CYTH1: variants seen among roughly 807,000 people sequenced by gnomAD.
CYTH1 encodes the protein cytohesin 1.
Under a neutral mutation model 61.8 loss-of-function variants are expected in CYTH1, and 18 were observed. The ratio of observed to expected loss-of-function variants is 0.29; its 90% CI spans 0.20 to 0.43. The LOEUF (loss-of-function observed/expected upper bound fraction) is 0.43. Among genes scored for constraint, CYTH1 ranks in the 20% least tolerant of loss-of-function variants. The pLI is 1.00. For synonymous variants in CYTH1, 174 were observed against 184.3 expected, an observed-to-expected ratio of 0.94 and a Z score of 0.45; for missense variants, 336 against 510.5, an observed-to-expected ratio of 0.66 and a Z score of 3.29.
Position 78,760,492 on chromosome 17 carries a change from T to TAC in CYTH1, c.22+21709_22+21710insGT, listed in dbSNP as rs1398164445. The stretch of plus-strand genomic sequence containing the variant: ...ATATGTATATATATGTATGTATATA[T>TAC]ATATACATATATATGTATATATATG... On this transcript the variant is annotated intron_variant, in intron 1 of 13. Coordinates refer to ENST00000446868, the MANE Select transcript of CYTH1 (RefSeq NM_004762.6). 6.0e-4 allele frequency among the ~76,000 whole-genome samples: 30 copies of TAC among 49,790 alleles called. 1 individual carries two copies. Among genetic ancestry groups the TAC allele is most frequent in the African/African-American group, 2.6e-3 (25 of 9,666 alleles). The allele number at this position is 49,790 out of a possible 152,430, so 32.7% of individuals were successfully genotyped here. A position where few individuals can be genotyped will look rare whatever the true frequency, so the allele number is the denominator to read the frequency against.
intron 1 of CYTH1, among the ~76,000 whole-genome samples, chr17:78,753,184 G>A (rs2093387207): frequency 6.6e-6 from 1 of 152,200 alleles, no homozygotes; most frequent in Non-Finnish European, 1.5e-5. Flanking sequence ...GTCAGGCTGG[G>A]CGTGGTTGCT....
chr17:78,773,382 C>A (rs2093479067), intron 1 of CYTH1, among the ~76,000 whole-genome samples: 1 of 152,058 alleles, frequency 6.6e-6, no homozygotes, highest in African/African-American at 2.4e-5. Flanking sequence ...GTAATCCCAG[C>A]ACTTTGGGAG....
At chr17:78,714,129 A>G (rs559837006) in intron 1 of CYTH1, among the ~76,000 whole-genome samples, 27 of 150,484 alleles carry the variant, frequency 1.8e-4, no homozygotes, top group African/African-American at 6.6e-4. Context: ...GTCTCTACTA[A>G]AAATACAAAA....
intron 11 of CYTH1, among the ~76,000 whole-genome samples, chr17:78,690,694 G>A (rs566908238): frequency 1.7e-4 from 26 of 151,458 alleles, no homozygotes; most frequent in Middle Eastern, 3.4e-3. Flanking sequence ...GCGAGACTCC[G>A]TCTCAAAAAA....
At chr17:78,778,848 G>A (rs940466849) in intron 1 of CYTH1, among the ~76,000 whole-genome samples, 11 of 152,038 alleles carry the variant, frequency 7.2e-5, no homozygotes, top group African/African-American at 2.2e-4. Context: ...GTCTGAACAC[G>A]TCATGTTATA....
At chr17:78,782,143 G>A in intron 1 of CYTH1, 59 bp downstream of exon 1, 1 of 1,268,356 alleles carries the variant, frequency 7.9e-7, no homozygotes, top group South Asian at 2.2e-5. Flanking sequence ...CGGACGGCCG[G>A]GCCCGGAGGG....
In CYTH1 at chr17:78,681,034, C is replaced by T. The variant is rs1327959696; in HGVS notation, c.900G>A (p.Glu300=). The T allele has an allele frequency of 1.2e-6, 2 of 1,614,058 alleles. No individual in the cohort carries two copies. Among genetic ancestry groups the T allele is most frequent in the Non-Finnish European group, 1.7e-6 (2 of 1,179,992 alleles). The change falls in exon 12 of 14, where the codon GAG becomes GAA. Residue 300 remains glutamate, a synonymous_variant. Coordinates refer to ENST00000446868, the MANE Select transcript of CYTH1 (RefSeq NM_004762.6). The part of the protein sequence containing the change: ...LYYFEYTTDK[E]PRGIIPLENL... ...TCTCTAAAGGGATGATTCCACGGGG[C>T]TCCTTATCCTACAGAACAGTTGAAG...
rs541214425 is a variant in CYTH1 at position 78,717,612 on chromosome 17, C to T, written c.23-7880G>A. ...AAAGGGACAGAGCCCTCTTTCCAAG[C>T]CAGAGGACGATACATGAGCACACGG... On this transcript the variant is annotated intron_variant, in intron 1 of 13. Coordinates refer to ENST00000446868, the MANE Select transcript of CYTH1 (RefSeq NM_004762.6). This position sits in a 1 kb window ranked among gnomAD's most constrained non-coding sequence, Gnocchi z 4.4. 6.6e-6 allele frequency among the ~76,000 whole-genome samples: 1 copy of T among 152,208 alleles called. No homozygotes were observed. Among genetic ancestry groups the T allele is most frequent in the African/African-American group, 2.4e-5 (1 of 41,534 alleles).
At position 78,722,579 on chromosome 17, in the gene CYTH1, C is replaced by T. The variant is rs368074930; in HGVS notation, c.23-12847G>A. Reference sequence around the variant, plus strand: ...ACCACTGTCAGCTTGCACAGCTGGGCCACGACACCCCTTCCGTGTCCAAAA... The same window carrying T: ...ACCACTGTCAGCTTGCACAGCTGGGTCACGACACCCCTTCCGTGTCCAAAA... On this transcript the variant is annotated intron_variant, in intron 1 of 13. Coordinates refer to ENST00000446868, the MANE Select transcript of CYTH1 (RefSeq NM_004762.6). Among the ~76,000 whole-genome samples, 28 of 152,294 alleles carry T rather than the reference C, an allele frequency of 1.8e-4. No homozygotes were observed. In the East Asian group the frequency reaches 4.8e-3, roughly 26 times the overall value.
chr17:78,706,115 ATTT>A (rs1001715312), intron 3 of CYTH1, among the ~76,000 whole-genome samples: 1 of 151,446 alleles, frequency 6.6e-6, no homozygotes, highest in Non-Finnish European at 1.5e-5. Context: ...GAAAAAAGCC[ATTT>A]TTTTTTACAT....
chr17:78,735,597 G>C (rs1286732004), intron 1 of CYTH1, among the ~76,000 whole-genome samples: 1 of 152,184 alleles, frequency 6.6e-6, no homozygotes, highest in African/African-American at 2.4e-5. Context: ...GCGTGCTGCA[G>C]CTTTCAGTGT....
Position 78,675,648 on chromosome 17 carries a change from A to G in CYTH1, c.*443T>C. 5.8e-6 allele frequency: 2 copies of G among 347,736 alleles called. No individual in the cohort carries two copies. The highest frequency in any genetic ancestry group is 1.0e-5 in the Non-Finnish European group (2 of 195,180). 21.5% of individuals were successfully genotyped at this position (347,736 alleles called of 1,614,324 possible). On this transcript the variant is annotated 3_prime_UTR_variant, in exon 14 of 14. Coordinates refer to ENST00000446868, the MANE Select transcript of CYTH1 (RefSeq NM_004762.6). ...TTCTCTCTTAAAAAAAAAAAAATAG[A>G]TCTTTATAGTATGTGGCTTCTCTTC...
At chr17:78,726,125 G>A (rs1189423676) in intron 1 of CYTH1, among the ~76,000 whole-genome samples, 2 of 147,358 alleles carry the variant, frequency 1.4e-5, no homozygotes, top group Non-Finnish European at 3.0e-5. Flanking sequence ...CTCACTGCAA[G>A]CTCTGTCTCC....
intron 1 of CYTH1, among the ~76,000 whole-genome samples, chr17:78,728,799 T>C (rs531627992): frequency 1.3e-5 from 2 of 152,166 alleles, no homozygotes; most frequent in Non-Finnish European, 2.9e-5. Context: ...GCACTTTGAA[T>C]CGGTAAAGAA....
At position 78,674,113 on chromosome 17, in the gene CYTH1, A is replaced by G. The variant is rs1412430766; in HGVS notation, c.*1978T>C. 6.5e-6 allele frequency: 1 copy of G among 152,688 alleles called. No individual in the cohort carries two copies. Among genetic ancestry groups the G allele is most frequent in the Non-Finnish European group, 1.5e-5 (1 of 68,048 alleles). The allele number at this position is 152,688 out of a possible 1,614,324, so 9.5% of individuals were successfully genotyped here. A position where few individuals can be genotyped will look rare whatever the true frequency, so the allele number is the denominator to read the frequency against. ...GGCGCTAGTTTACAAGGCAAAAACA[A>G]ACAAACAAAAACAATTAGAATAATT... On this transcript the variant is annotated 3_prime_UTR_variant, in exon 14 of 14. Coordinates refer to ENST00000446868, the MANE Select transcript of CYTH1 (RefSeq NM_004762.6).
At chr17:78,761,136 C>T (rs777067731) in intron 1 of CYTH1, among the ~76,000 whole-genome samples, 4 of 152,002 alleles carry the variant, frequency 2.6e-5, no homozygotes, top group East Asian at 1.9e-4. Context: ...CCCAGCCTCG[C>T]GATTTCCAAG....
At chr17:78,691,146 G>T (rs1479237066) in intron 11 of CYTH1, 1 of 152,240 alleles carries the variant, frequency 6.6e-6, no homozygotes, top group Admixed American at 6.5e-5. Flanking sequence ...AGCAAAGCCA[G>T]TGCAGAACTT....
At chr17:78,734,395 TATGTACCAATGTACCA>T (rs61273305) in intron 1 of CYTH1, among the ~76,000 whole-genome samples, 1 of 138,858 alleles carries the variant, frequency 7.2e-6, no homozygotes, top group Non-Finnish European at 1.5e-5. Context: ...CTGACGAATG[TATGTACCAATGTACCA>T]ATGTACCAGG....
intron 1 of CYTH1, among the ~76,000 whole-genome samples, chr17:78,754,131 C>T (rs2093391496): frequency 6.6e-6 from 1 of 152,100 alleles, no homozygotes; most frequent in African/African-American, 2.4e-5. Context: ...AAGCGACCGG[C>T]TACTGAGAAG....
Sources: allele counts gnomAD v4.1 joint callset (sites outside exome capture counted in the v4.1 genomes callset), GRCh38; gene constraint gnomAD v4.1.1; non-coding constraint Gnocchi (gnomAD v3.1); transcripts MANE v1.5; gene names NCBI Gene and HGNC (gene_info 2026-07-23, HGNC 2026-07-21).